Variants in VPS37A observed in about 807,000 individuals in gnomAD.
VPS37A encodes VPS37A subunit of ESCRT-I.
VPS37A carries 30 observed loss-of-function variants against 49.8 expected under a neutral mutation model. That is an observed-to-expected ratio of 0.60 (90% confidence interval 0.45 to 0.82). The LOEUF is 0.82. Among genes scored for constraint, VPS37A ranks in the 40% least tolerant of loss-of-function variants. The pLI is 0.00. For missense variants in VPS37A, 593 were observed against 464.4 expected, an observed-to-expected ratio of 1.28 and a Z score of -2.55; for synonymous variants, 195 against 160.6, an observed-to-expected ratio of 1.21 and a Z score of -1.62.
intron 10 of VPS37A, 43 bp downstream of exon 10, chr8:17,284,659 T>C (rs1815417024): frequency 3.2e-6 from 5 of 1,544,420 alleles, no homozygotes; most frequent in Non-Finnish European, 4.3e-6. Context: ...TGGATAAAGT[T>C]TGGTATTTTT....
At chr8:17,270,965 C>G (rs1813928086) in intron 4 of VPS37A, among the ~76,000 whole-genome samples, 1 of 152,182 alleles carries the variant, frequency 6.6e-6, no homozygotes, top group African/African-American at 2.4e-5. Flanking sequence ...CACACACCCA[C>G]TGTACAATGG....
At chr8:17,309,390 C>T in the VPS37A span, 1 of 1,127,144 alleles carries the variant, frequency 8.9e-7, no homozygotes, top group Admixed American at 2.0e-5. Flanking sequence ...ACCACACAAC[C>T]AATAATGTTG....
At chr8:17,257,998 A>G (rs1167667082) in intron 1 of VPS37A, among the ~76,000 whole-genome samples, 2 of 152,106 alleles carry the variant, frequency 1.3e-5, no homozygotes, top group Non-Finnish European at 2.9e-5. Context: ...CTGCAACTTT[A>G]CTGAATTGGT....
At chr8:17,327,828 A>G in the VPS37A span, among the ~76,000 whole-genome samples, 3 of 152,204 alleles carry the variant, frequency 2.0e-5, no homozygotes, top group African/African-American at 7.2e-5. Flanking sequence ...TACCAGAGCA[A>G]ATTTACATGT....
chr8:17,260,200 T>C (rs952821702), intron 1 of VPS37A, among the ~76,000 whole-genome samples: 5 of 152,148 alleles, frequency 3.3e-5, no homozygotes, highest in Admixed American at 2.0e-4. Context: ...AATTTGTTGC[T>C]TTTTTATGTT....
chr8:17,308,725 A>G, the VPS37A span, among the ~76,000 whole-genome samples: 1 of 152,190 alleles, frequency 6.6e-6, no homozygotes, highest in Non-Finnish European at 1.5e-5. Context: ...TGGCATCCCC[A>G]TTCCACAGAT....
At chr8:17,302,252 C>T (rs778696608), downstream of VPS37A, 2 of 1,613,996 alleles carry the variant, frequency 1.2e-6, no homozygotes, top group Non-Finnish European at 1.7e-6. Flanking sequence ...ATCCCCTTTT[C>T]AAAGCGGTTA....
chr8:17,320,394 G>A, the VPS37A span, among the ~76,000 whole-genome samples: 16,931 of 152,012 alleles, frequency 0.11, 1,290 homozygotes, highest in Non-Finnish European at 0.17. Context: ...GGAGGGTGTG[G>A]TAAAGGGTAT....
intron 1 of VPS37A, chr8:17,248,443 A>G (rs2151030600): frequency 2.2e-6 from 1 of 450,226 alleles, no homozygotes; most frequent in South Asian, 1.6e-5. Context: ...CGCGGCTAAT[A>G]TTTTGTATTT....
At chr8:17,270,464 C>T (rs1446629251) in intron 4 of VPS37A, among the ~76,000 whole-genome samples, 1 of 152,162 alleles carries the variant, frequency 6.6e-6, no homozygotes, top group Non-Finnish European at 1.5e-5. Context: ...CGCTTCCTCA[C>T]TGCGTGGCAG....
the VPS37A span, chr8:17,331,320 A>G: frequency 5.2e-6 from 8 of 1,546,560 alleles, no homozygotes; most frequent in African/African-American, 8.3e-5. Flanking sequence ...CATCAATTAC[A>G]TTGATGAAAC....
At chr8:17,274,072 G>T (rs1052106422) in intron 4 of VPS37A, among the ~76,000 whole-genome samples, 1 of 152,026 alleles carries the variant, frequency 6.6e-6, no homozygotes, top group African/African-American at 2.4e-5. Flanking sequence ...TAATGATCTG[G>T]TTCTCTCTAA....
At chr8:17,304,291 A>G (rs1731114819), downstream of VPS37A, 1 of 1,405,394 alleles carries the variant, frequency 7.1e-7, no homozygotes, top group East Asian at 2.3e-5. Context: ...CTCAAAGATC[A>G]GTGTCATACA....
chr8:17,306,053 C>A (rs1289662763), downstream of VPS37A: 5 of 901,874 alleles, frequency 5.5e-6, no homozygotes, highest in African/African-American at 1.7e-5. Flanking sequence ...ACCCTAGTTC[C>A]TAAATAAATC....
At chr8:17,314,182 A>C in the VPS37A span, among the ~76,000 whole-genome samples, 1 of 152,202 alleles carries the variant, frequency 6.6e-6, no homozygotes, top group East Asian at 1.9e-4. Flanking sequence ...AGTACATATC[A>C]CAAATACGGC....
downstream of VPS37A, chr8:17,305,923 A>C: frequency 6.2e-7 from 1 of 1,613,612 alleles, no homozygotes; most frequent in South Asian, 1.1e-5. Flanking sequence ...ATAACTGGAG[A>C]GATTTCTTTT....
At chr8:17,279,957 T>C (rs1814884915) in intron 6 of VPS37A, 71 bp from the exon 7 acceptor site, 1 of 1,597,530 alleles carries the variant, frequency 6.3e-7, no homozygotes, top group African/African-American at 1.3e-5. Context: ...AGCTGAAAAA[T>C]TGTAAATAGT....
the VPS37A span, chr8:17,331,175 C>T: frequency 4.3e-6 from 7 of 1,612,058 alleles, no homozygotes; most frequent in Non-Finnish European, 5.9e-6. Context: ...GCAGACTGTT[C>T]CTCATGACAT....
rs896655956 is a variant in VPS37A, at chr8:17,294,972, T to C, written c.*1-15T>C. ...TCTTAAATATTAGAGGTATTTTTTA[T>C]TGTTTTCTTTCTAGATTTTCCTGGA... On this transcript the variant is annotated splice_polypyrimidine_tract_variant and intron_variant, in intron 11 of 11. Transcript: ENST00000324849. The C allele has an allele frequency of 6.6e-6, 1 of 152,492 alleles. No homozygotes were observed. The highest frequency in any genetic ancestry group is 2.4e-5 in the African/African-American group (1 of 41,460). 9.4% of individuals were successfully genotyped at this position (152,492 alleles called of 1,614,324 possible).
Sources: gnomAD v4.1 joint callset for allele counts (sites outside exome capture counted in the v4.1 genomes callset) on GRCh38, gnomAD v4.1.1 for gene constraint, MANE v1.5 for transcripts, NCBI Gene and HGNC (gene_info 2026-07-23, HGNC 2026-07-21) for gene names.